Variants in FAM184B observed in about 807,000 individuals in gnomAD.
FAM184B encodes the protein family with sequence similarity 184 member B, also known as protein FAM184B.
FAM184B carries 111 observed loss-of-function variants against 135.9 expected under a neutral mutation model. That is an observed-to-expected ratio of 0.82 (90% CI 0.70 to 0.96). The LOEUF is 0.96. Ranked by LOEUF, FAM184B falls within the 40% of genes least tolerant of loss-of-function variation. FAM184B has a pLI of 0.00. For synonymous variants in FAM184B, 552 were observed against 524.8 expected, an observed-to-expected ratio of 1.05 and a Z score of -0.71; for missense variants, 1,375 against 1,323.9, an observed-to-expected ratio of 1.04 and a Z score of -0.60.
At chr4:17,729,691 T>G (rs1233682379) in intron 1 of FAM184B, among the ~76,000 whole-genome samples, 1 of 152,252 alleles carries the variant, frequency 6.6e-6, no homozygotes, top group Non-Finnish European at 1.5e-5. Flanking sequence ...CCAACAGACC[T>G]GCAGCTGACG....
At chr4:17,652,220 G>C (rs1462532815) in intron 11 of FAM184B, among the ~76,000 whole-genome samples, 1 of 143,418 alleles carries the variant, frequency 7.0e-6, no homozygotes, top group African/African-American at 2.6e-5. Context: ...TGCCTCCCGG[G>C]TTCACGCCAT....
At chr4:17,671,312 GC>G (rs1716165348) in intron 7 of FAM184B, among the ~76,000 whole-genome samples, 1 of 152,174 alleles carries the variant, frequency 6.6e-6, no homozygotes, top group South Asian at 2.1e-4. Context: ...TAGAGGGCTA[GC>G]TTTTGTCTTG....
chr4:17,682,910 A>G (rs1186899248), intron 7 of FAM184B, among the ~76,000 whole-genome samples: 1 of 152,208 alleles, frequency 6.6e-6, no homozygotes, highest in African/African-American at 2.4e-5. Flanking sequence ...TCCAGCAGGA[A>G]CATCACTGGG....
intron 13 of FAM184B, among the ~76,000 whole-genome samples, chr4:17,639,935 TCTC>T (rs772584679): frequency 2.0e-5 from 3 of 151,484 alleles, no homozygotes; most frequent in Non-Finnish European, 4.4e-5. Flanking sequence ...TTCAAGCAGT[TCTC>T]CTGCCTCAGC....
intron 7 of FAM184B, among the ~76,000 whole-genome samples, chr4:17,679,616 C>A (rs1182627665): frequency 6.6e-6 from 1 of 152,138 alleles, no homozygotes; most frequent in Non-Finnish European, 1.5e-5. Flanking sequence ...ATGTAAAGTT[C>A]TTTAAGGAAT....
intron 7 of FAM184B, 74 bp from the exon 8 acceptor site, chr4:17,664,733 G>C: frequency 7.9e-7 from 1 of 1,260,722 alleles, no homozygotes; most frequent in Non-Finnish European, 1.1e-6. Flanking sequence ...GATTCAACCT[G>C]TGGCTTATTC....
rs1719032613 is a variant in FAM184B, at chr4:17,781,446, G to A, written c.-147C>T. 2.0e-6 allele frequency: 2 copies of A among 1,005,692 alleles called. No homozygotes were observed. Among genetic ancestry groups the A allele is most frequent in the Non-Finnish European group, 1.3e-6 (1 of 749,538 alleles). The allele number at this position is 1,005,692 out of a possible 1,614,324, so 62.3% of individuals were successfully genotyped here. A position where few individuals can be genotyped will look rare whatever the true frequency, so the allele number is the denominator to read the frequency against. On this transcript the variant is annotated 5_prime_UTR_variant, in exon 1 of 18. Transcript: ENST00000265018. This position sits in a 1 kb window ranked among gnomAD's most constrained non-coding sequence, Gnocchi z 6.5. ...TCGCCTGCACCGCCGCGTGGCCCCAGCTTCCCGAAGGTCTCCGCCTCCCGG... is the reference window on the plus strand; with the variant it reads ...TCGCCTGCACCGCCGCGTGGCCCCAACTTCCCGAAGGTCTCCGCCTCCCGG...
intron 8 of FAM184B, among the ~76,000 whole-genome samples, chr4:17,660,491 G>A (rs955551329): frequency 3.3e-5 from 5 of 151,974 alleles, no homozygotes; most frequent in African/African-American, 4.8e-5. Flanking sequence ...CTATAAAAAC[G>A]ACAACAACAC....
chr4:17,700,917 T>C (rs1197757056), intron 5 of FAM184B, among the ~76,000 whole-genome samples: 2 of 151,030 alleles, frequency 1.3e-5, no homozygotes, highest in Non-Finnish European at 3.0e-5. Context: ...GATAGAAATA[T>C]GAAAAAAAAA....
chr4:17,725,720 G>A (rs191756270), intron 1 of FAM184B, among the ~76,000 whole-genome samples: 33 of 152,276 alleles, frequency 2.2e-4, no homozygotes, highest in Admixed American at 5.2e-4. Flanking sequence ...TCAGTACTGG[G>A]AGGCAGAAAG....
chr4:17,689,266 C>T (rs1227231596), intron 6 of FAM184B, among the ~76,000 whole-genome samples: 11 of 152,062 alleles, frequency 7.2e-5, no homozygotes, highest in Admixed American at 5.9e-4. Flanking sequence ...AAGTGTAAGG[C>T]CTTAATTATG....
At chr4:17,765,370 G>A (rs572511453) in intron 1 of FAM184B, among the ~76,000 whole-genome samples, 1 of 152,170 alleles carries the variant, frequency 6.6e-6, no homozygotes, top group Non-Finnish European at 1.5e-5. Context: ...CTAGCAAATA[G>A]AATCAAACGA....
Position 17,635,061 on chromosome 4 carries a change from T to C in FAM184B, c.2837A>G (p.Asn946Ser). The change falls in exon 16 of 18, where the codon AAT becomes AGT. Residue 946 changes from asparagine to serine, a missense_variant. Physicochemically the swap from Asn to Ser is conservative, Grantham distance 46 (BLOSUM62 1). Transcript: ENST00000265018. Reference protein sequence around the residue: ...AAFPSAMSHRNRSFSFNPHPG... With the variant: ...AAFPSAMSHRSRSFSFNPHPG... ...GTGAGGATTGAAAGAGAAAGACCGA[T>C]TCCGGTGGGACATGGCACTGGGGAA... The C allele has an allele frequency of 6.4e-7, 1 of 1,551,832 alleles. No homozygotes were observed. The highest frequency in any genetic ancestry group is 8.7e-7 in the Non-Finnish European group (1 of 1,147,002).
Position 17,719,238 on chromosome 4 carries a change from T to C in FAM184B, c.142-9594A>G, listed in dbSNP as rs80128666. 3.9e-3 allele frequency among the ~76,000 whole-genome samples: 600 copies of C among 152,264 alleles called. 22 individuals are homozygous for C. The East Asian group carries it at 0.072, about 18-fold the overall frequency. On this transcript the variant is annotated intron_variant, in intron 1 of 17. Transcript: ENST00000265018. ...TACTTGAAAACAAGCACTGTGACAG[T>C]TGATCTGATAATCGAGACAGCTACT...
intron 7 of FAM184B, among the ~76,000 whole-genome samples, chr4:17,671,293 G>T (rs1272592752): frequency 1.3e-5 from 2 of 152,106 alleles, no homozygotes; most frequent in Non-Finnish European, 2.9e-5. Context: ...TTTCTAAGGG[G>T]GATGTCCCTA....
At chr4:17,683,712 TA>T (rs1016771494) in intron 7 of FAM184B, among the ~76,000 whole-genome samples, 1 of 152,172 alleles carries the variant, frequency 6.6e-6, no homozygotes, top group African/African-American at 2.4e-5. Context: ...GGTTTGTTTT[TA>T]AAAAAATGAC....
chr4:17,677,853 G>A (rs534455879), intron 7 of FAM184B, among the ~76,000 whole-genome samples: 102 of 152,172 alleles, frequency 6.7e-4, no homozygotes, highest in Admixed American at 1.1e-3. Flanking sequence ...CCAGGGATGC[G>A]GGGATGGTTT....
In FAM184B at chr4:17,766,887, G is replaced by A. The variant is rs573591936; in HGVS notation, c.141+14272C>T. 5.7e-4 allele frequency among the ~76,000 whole-genome samples: 87 copies of A among 152,284 alleles called. 1 individual carries two copies. The highest frequency in any genetic ancestry group is 2.0e-3 in the African/African-American group (83 of 41,566). On this transcript the variant is annotated intron_variant, in intron 1 of 17. Coordinates refer to ENST00000265018, the MANE Select transcript of FAM184B (RefSeq NM_015688.2). ...AGCGCTCATTGGGGAGGCTCCGGCC[G>A]CACAGGAGCCTATGGTGCAGGGGAG... is the stretch of plus-strand genomic sequence containing the variant.
chr4:17,727,636 TCAG>T (rs1243362169), intron 1 of FAM184B, among the ~76,000 whole-genome samples: 2 of 152,126 alleles, frequency 1.3e-5, no homozygotes, highest in African/African-American at 4.8e-5. Flanking sequence ...TTTTAAATCA[TCAG>T]ATCTTGTGAG....
Sources: gnomAD v4.1 joint callset for allele counts (sites outside exome capture counted in the v4.1 genomes callset) on GRCh38, gnomAD v4.1.1 for gene constraint, Gnocchi (gnomAD v3.1) non-coding constraint, MANE v1.5 for transcripts, NCBI Gene and HGNC (gene_info 2026-07-23, HGNC 2026-07-21) for gene names.